Variants in ATP11A observed in about 807,000 individuals in gnomAD.
The protein encoded by ATP11A is phospholipid-transporting ATPase IH.
A neutral mutation model predicts 154.4 loss-of-function variants in ATP11A; 81 were observed. That is an observed-to-expected ratio of 0.52 (90% CI 0.44 to 0.63). The LOEUF is 0.63. Ranked by LOEUF, ATP11A falls within the 30% of genes least tolerant of loss-of-function variation. ATP11A has a pLI of 0.00. For missense variants in ATP11A, 1,316 were observed against 1,474.3 expected, an observed-to-expected ratio of 0.89 and a Z score of 1.76; for synonymous variants, 623 against 585.9, an observed-to-expected ratio of 1.06 and a Z score of -0.91.
intron 27 of ATP11A, among the ~76,000 whole-genome samples, chr13:112,874,820 G>A (rs1245470671): frequency 1.3e-5 from 2 of 152,164 alleles, no homozygotes; most frequent in African/African-American, 4.8e-5. Flanking sequence ...TGGAGAGCCC[G>A]GCCATTCTAA....
In ATP11A at chr13:112,697,176, G is replaced by A. The variant is rs1201541461; in HGVS notation, c.39+6721G>A. On this transcript the variant is annotated intron_variant, in intron 1 of 29. Transcript: ENST00000375645. The surrounding 1 kb of genome is among the most constrained non-coding windows in gnomAD (Gnocchi z 4.0). Reference sequence around the variant, plus strand: ...TGCTTCCTGTGGCGTCCTGCGGGCTGGCCGCCCCTCGGTGGGCTCCGGTGC... The same window carrying A: ...TGCTTCCTGTGGCGTCCTGCGGGCTAGCCGCCCCTCGGTGGGCTCCGGTGC... Among the ~76,000 whole-genome samples, 1 of 152,204 alleles carries A rather than the reference G, an allele frequency of 6.6e-6. No homozygotes were observed. Among genetic ancestry groups the A allele is most frequent in the Non-Finnish European group, 1.5e-5 (1 of 68,024 alleles).
At position 112,690,590 on chromosome 13, in the gene ATP11A, G is replaced by T. The variant is rs1885039236; in HGVS notation, c.39+135G>T. 1.2e-6 allele frequency: 1 copy of T among 808,602 alleles called. No individual in the cohort carries two copies. The highest frequency in any genetic ancestry group is 1.6e-6 in the Non-Finnish European group (1 of 607,152). The allele number at this position is 808,602 out of a possible 1,614,324, so 50.1% of individuals were successfully genotyped here. On this transcript the variant is annotated intron_variant, in intron 1 of 29. Coordinates refer to ENST00000375645, the MANE Select transcript of ATP11A (RefSeq NM_015205.3). This position sits in a 1 kb window ranked among gnomAD's most constrained non-coding sequence, Gnocchi z 5.6. ...GATGTCTGGGACTCGGACCGCCCCC[G>T]GGGACGAGCGGGATGCTGGGGAGGG... is the stretch of plus-strand genomic sequence containing the variant.
At chr13:112,844,520 C>T (rs1041540242) in intron 17 of ATP11A, among the ~76,000 whole-genome samples, 7 of 152,302 alleles carry the variant, frequency 4.6e-5, no homozygotes, top group South Asian at 4.1e-4. Context: ...TGGAGACCAC[C>T]GCTCCACTCG....
At chr13:112,819,628 G>T (rs1390374659) in intron 7 of ATP11A, among the ~76,000 whole-genome samples, 2 of 152,102 alleles carry the variant, frequency 1.3e-5, no homozygotes, top group African/African-American at 2.4e-5. Flanking sequence ...AAGTGGCTTC[G>T]TGGAACCATA....
chr13:112,767,497 GGGGAGGATGTAGGGGTA>G (rs2077121943), intron 1 of ATP11A, among the ~76,000 whole-genome samples: 12 of 145,322 alleles, frequency 8.3e-5, no homozygotes, highest in African/African-American at 2.6e-4. Context: ...GTGGAAAGGT[GGGGAGGATGTAGGGGTA>G]TCGGGGGCCC....
intron 1 of ATP11A, among the ~76,000 whole-genome samples, chr13:112,706,886 C>A (rs1391477374): frequency 6.6e-6 from 1 of 152,210 alleles, no homozygotes; most frequent in Non-Finnish European, 1.5e-5. Context: ...TGCCACACAT[C>A]ATTTTAATGT....
At chr13:112,798,148 C>A (rs2078047895) in intron 2 of ATP11A, among the ~76,000 whole-genome samples, 1 of 152,234 alleles carries the variant, frequency 6.6e-6, no homozygotes, top group South Asian at 2.1e-4. Context: ...GAGGAGCCCG[C>A]ATGGCGGAAT....
intron 1 of ATP11A, among the ~76,000 whole-genome samples, chr13:112,782,086 C>T (rs558625401): frequency 1.6e-4 from 24 of 152,218 alleles, no homozygotes; most frequent in Non-Finnish European, 3.5e-4. Context: ...CTACTTGTGT[C>T]GGGTTAAACG....
intron 4 of ATP11A, among the ~76,000 whole-genome samples, chr13:112,810,351 A>G (rs984958663): frequency 1.3e-5 from 2 of 152,192 alleles, no homozygotes; most frequent in Admixed American, 6.5e-5. Flanking sequence ...GTTGTATAGT[A>G]CTTATACACA....
At chr13:112,774,621 T>C (rs1951344158) in intron 1 of ATP11A, among the ~76,000 whole-genome samples, 1 of 152,206 alleles carries the variant, frequency 6.6e-6, no homozygotes, top group Non-Finnish European at 1.5e-5. Flanking sequence ...CTGAAAGACA[T>C]GCAGAACCAG....
chr13:112,839,845 A>G (rs1402892666), intron 16 of ATP11A, among the ~76,000 whole-genome samples: 1 of 152,196 alleles, frequency 6.6e-6, no homozygotes, highest in African/African-American at 2.4e-5. Flanking sequence ...TGAATTTTCT[A>G]GTAAAAAATG....
intron 1 of ATP11A, among the ~76,000 whole-genome samples, chr13:112,751,614 C>T (rs368249717): frequency 6.6e-6 from 1 of 151,998 alleles, no homozygotes; most frequent in Non-Finnish European, 1.5e-5. Flanking sequence ...GAGCCGAGAT[C>T]GCACCAGTGC....
rs974460305 is a variant in ATP11A, at chr13:112,878,079, G to A, written c.3328-138G>A. ...TGACCAGAAGAACTTGCACGTGGTGGCGAGCCTCTGACTAACTCAGCTCTG... is the reference window on the plus strand; with the variant it reads ...TGACCAGAAGAACTTGCACGTGGTGACGAGCCTCTGACTAACTCAGCTCTG... On this transcript the variant is annotated intron_variant, in intron 28 of 29. Transcript: ENST00000375645. 23 of 778,942 alleles carry A rather than the reference G, an allele frequency of 3.0e-5. No individual in the cohort carries two copies. The African/African-American group carries it at 3.4e-4, about 11-fold the overall frequency. The allele number at this position is 778,942 out of a possible 1,614,324, so 48.3% of individuals were successfully genotyped here.
intron 4 of ATP11A, among the ~76,000 whole-genome samples, 163 bp from the exon 5 acceptor site, chr13:112,810,456 C>A (rs1243446177): frequency 1.3e-5 from 2 of 152,218 alleles, no homozygotes; most frequent in Non-Finnish European, 2.9e-5. Context: ...GATGCTCTGT[C>A]AAGGATAGTG....
intron 2 of ATP11A, among the ~76,000 whole-genome samples, chr13:112,790,919 A>G (rs1375595923): frequency 1.3e-5 from 2 of 152,258 alleles, no homozygotes; most frequent in Admixed American, 6.5e-5. Flanking sequence ...GAAACAGGAT[A>G]TGTAAATGCT....
At chr13:112,791,736 C>G (rs926721754) in intron 2 of ATP11A, among the ~76,000 whole-genome samples, 2 of 152,218 alleles carry the variant, frequency 1.3e-5, no homozygotes, top group Admixed American at 6.5e-5. Context: ...CTCTCTCCCC[C>G]TCGGCTGGGC....
chr13:112,773,847 C>T (rs1017680510), intron 1 of ATP11A, among the ~76,000 whole-genome samples: 7 of 152,298 alleles, frequency 4.6e-5, no homozygotes, highest in East Asian at 3.9e-4. Flanking sequence ...TGCACCTGTG[C>T]GGGATTTCCA....
At chr13:112,811,081 ATTTG>A (rs1224635531) in intron 5 of ATP11A, among the ~76,000 whole-genome samples, 1 of 122,314 alleles carries the variant, frequency 8.2e-6, no homozygotes, top group African/African-American at 3.2e-5. Context: ...TTTAATTTTT[ATTTG>A]TTTATGTTTA....
intron 1 of ATP11A, among the ~76,000 whole-genome samples, chr13:112,784,627 A>G (rs2077577500): frequency 6.7e-6 from 1 of 149,474 alleles, no homozygotes; most frequent in South Asian, 2.1e-4. Context: ...GGTTCACGCC[A>G]TTCTCCTGCC....
Sources: gnomAD v4.1 joint callset for allele counts (sites outside exome capture counted in the v4.1 genomes callset) on GRCh38, gnomAD v4.1.1 for gene constraint, Gnocchi (gnomAD v3.1) non-coding constraint, MANE v1.5 for transcripts, NCBI Gene and HGNC (gene_info 2026-07-23, HGNC 2026-07-21) for gene names.